SDHA: variants seen among roughly 807,000 people sequenced by gnomAD.
The protein encoded by SDHA is succinate dehydrogenase complex flavoprotein subunit A.
A neutral mutation model predicts 78.4 loss-of-function variants in SDHA; 48 were observed. The observed-to-expected ratio is 0.61, with a 90% CI of 0.49 to 0.78. The LOEUF is 0.78. Among genes scored for constraint, SDHA ranks in the 30% least tolerant of loss-of-function variants. The probability of loss-of-function intolerance (pLI) is 0.00; values close to 1 mark genes in which losing one functional copy is unlikely to be tolerated. For synonymous variants in SDHA, 326 were observed against 353.9 expected, an observed-to-expected ratio of 0.92 and a Z score of 0.88; for missense variants, 680 against 892.7, an observed-to-expected ratio of 0.76 and a Z score of 3.04.
At chr5:235,992 CTTACTTCCCTCTTAGATACGGTCT>C (rs779873879) in intron 9 of SDHA, 1 of 275,518 alleles carries the variant, frequency 3.6e-6, no homozygotes, top group Non-Finnish European at 7.2e-6. Flanking sequence ...AGCTATGGTC[CTTACTTCCCTCTTAGATACGGTCT>C]TTACTTCCCT....
At chr5:242,649 G>A (rs1230555146) in intron 11 of SDHA, among the ~76,000 whole-genome samples, 3 of 152,080 alleles carry the variant, frequency 2.0e-5, no homozygotes, top group African/African-American at 7.2e-5. Context: ...AGCTGGTCTC[G>A]GCAAATGGCG....
chr5:224,293 T>C, intron 2 of SDHA, 67 bp from the exon 3 acceptor site: 1 of 1,528,744 alleles, frequency 6.5e-7, no homozygotes, highest in South Asian at 1.1e-5. Context: ...GCTCTTTCAC[T>C]GTCACAAGAT....
intron 6 of SDHA, among the ~76,000 whole-genome samples, chr5:229,171 A>T (rs1410293784): frequency 1.3e-5 from 2 of 152,232 alleles, no homozygotes; most frequent in African/African-American, 4.8e-5. Flanking sequence ...TGTTGGTGGG[A>T]ATGTAAATTA....
chr5:252,759 A>G (rs796747086), intron 13 of SDHA, among the ~76,000 whole-genome samples: 1,794 of 96,608 alleles, frequency 0.019, 1 homozygote, highest in African/African-American at 0.098. Context: ...ACCGTTTCAT[A>G]CCTGCCCTGT....
chr5:219,535 G>T (rs1387012739), intron 1 of SDHA, among the ~76,000 whole-genome samples: 1 of 151,978 alleles, frequency 6.6e-6, no homozygotes, highest in African/African-American at 2.4e-5. Context: ...TAAAAATCTC[G>T]TTGAGTTAAA....
intron 5 of SDHA, among the ~76,000 whole-genome samples, chr5:226,781 T>C (rs2126552995): frequency 6.6e-6 from 1 of 151,364 alleles, no homozygotes; most frequent in South Asian, 2.1e-4. Context: ...ACAAAAAAAT[T>C]AGCCAGGCAT....
chr5:224,615 G>C, intron 3 of SDHA, 94 bp downstream of exon 3: 1 of 1,346,664 alleles, frequency 7.4e-7, no homozygotes, highest in Non-Finnish European at 1.1e-6. Context: ...TCCTCCCCCT[G>C]CTCCAGCCAC....
rs587782076 is a variant in SDHA, at chr5:225,938, G to A, written c.512G>A (p.Arg171His). ...SRTEDGKIYQ[R>H]AFGGQSLKFG... ...ACTGAAGATGGGAAGATTTATCAGC[G>A]TGCATTTGGTGGACAGAGCCTCAAG... Residue 171 changes from arginine (R) to histidine (H), a missense_variant, in exon 5 of 15, where the codon CGT (arginine) becomes CAT (histidine). Transcript: ENST00000264932. The A allele has an allele frequency of 2.1e-5, 34 of 1,613,756 alleles. No individual in the cohort carries two copies. The highest frequency in any genetic ancestry group is 2.7e-5 in the African/African-American group (2 of 74,920).
rs748383004 is a variant in SDHA at position 235,279 on chromosome 5, C to T, written c.1200C>T (p.Ile400=). ...GCGTGGACGTCACGAAGGAGCCGAT[C>T]CCTGTCCTCCCCACCGTGCATTATA... ...FAGVDVTKEP[I]PVLPTVHYNM... The change falls in exon 9 of 15, where the codon ATC becomes ATT. Residue 400 remains isoleucine (I), a synonymous_variant. Coordinates refer to ENST00000264932, the MANE Select transcript of SDHA (RefSeq NM_004168.4). 6.2e-7 allele frequency: 1 copy of T among 1,614,116 alleles called. No homozygotes were observed. Among genetic ancestry groups the T allele is most frequent in the South Asian group, 1.1e-5 (1 of 91,088 alleles).
intron 14 of SDHA, among the ~76,000 whole-genome samples, chr5:255,487 ATC>A: frequency 6.6e-6 from 1 of 151,806 alleles, no homozygotes; most frequent in South Asian, 2.1e-4. Context: ...ATAGAGTCTC[ATC>A]TCTGTTGCCC....
chr5:261,670 G>A (rs1369494330), downstream of SDHA, among the ~76,000 whole-genome samples: 2 of 82,864 alleles, frequency 2.4e-5, no homozygotes, highest in African/African-American at 8.1e-5. Context: ...TGTGAGCTCC[G>A]CCTCCCGTCA....
At chr5:249,824 T>G (rs1736702554) in intron 11 of SDHA, 1 of 152,226 alleles carries the variant, frequency 6.6e-6, no homozygotes, top group Non-Finnish European at 1.5e-5. Context: ...TAGATACAAT[T>G]GTCATTATTT....
intron 1 of SDHA, among the ~76,000 whole-genome samples, chr5:221,508 T>C (rs1734715636): frequency 6.6e-6 from 1 of 152,220 alleles, no homozygotes; most frequent in East Asian, 1.9e-4. Context: ...ACCCCTTACT[T>C]TGCTAGATTT....
chr5:243,069 A>C (rs1402627427), intron 11 of SDHA, among the ~76,000 whole-genome samples: 2 of 152,186 alleles, frequency 1.3e-5, no homozygotes, highest in African/African-American at 4.8e-5. Flanking sequence ...CTGTCCGAGC[A>C]GCACCTTGAG....
At chr5:234,216 G>T in intron 8 of SDHA, 1 of 162,034 alleles carries the variant, frequency 6.2e-6, no homozygotes, top group Non-Finnish European at 1.4e-5. Flanking sequence ...TCAGGAGATC[G>T]AGACCATCCT....
Position 256,763 on chromosome 5 carries a change from A to T in SDHA, c.*343A>T. On this transcript the variant is annotated 3_prime_UTR_variant, in exon 15 of 15. Coordinates refer to ENST00000264932, the MANE Select transcript of SDHA (RefSeq NM_004168.4). ...ATTTGTTGACCTAAAAATCAAATGT[A>T]ATCTTTGTATTGTGTTACATCAAAA... 1 of 335,588 alleles carries T rather than the reference A, an allele frequency of 3.0e-6. No individual in the cohort carries two copies. The highest frequency in any genetic ancestry group is 4.7e-5 in the East Asian group (1 of 21,160). 20.8% of individuals were successfully genotyped at this position (335,588 alleles called of 1,614,324 possible). A position where few individuals can be genotyped will look rare whatever the true frequency, so the allele number is the denominator to read the frequency against.
At chr5:264,639 C>T in the SDHA span, among the ~76,000 whole-genome samples, 21 of 152,240 alleles carry the variant, frequency 1.4e-4, no homozygotes, top group Non-Finnish European at 2.6e-4. Flanking sequence ...CTGGGGCTGG[C>T]TGGGCTAGGC....
intron 1 of SDHA, among the ~76,000 whole-genome samples, chr5:223,143 C>T (rs1734812035): frequency 6.6e-6 from 1 of 152,206 alleles, no homozygotes; most frequent in African/African-American, 2.4e-5. Context: ...ACGTCTTTCC[C>T]CTTCTCCACT....
At position 256,604 on chromosome 5, in the gene SDHA, A is replaced by C; in HGVS notation, c.*184A>C. ...GAACCCAGTGGCCAGGGAGCGTGGC[A>C]CTTACCTTTGTCCCTTGCTTCATTC... On this transcript the variant is annotated 3_prime_UTR_variant, in exon 15 of 15. Transcript: ENST00000264932. 1 of 644,462 alleles carries C rather than the reference A, an allele frequency of 1.6e-6. No individual in the cohort carries two copies. Among genetic ancestry groups the C allele is most frequent in the Non-Finnish European group, 2.8e-6 (1 of 352,312 alleles). 39.9% of individuals were successfully genotyped at this position (644,462 alleles called of 1,614,324 possible).
Sources: allele counts gnomAD v4.1 joint callset (sites outside exome capture counted in the v4.1 genomes callset), GRCh38; gene constraint gnomAD v4.1.1; transcripts MANE v1.5; gene names NCBI Gene and HGNC (gene_info 2026-07-23, HGNC 2026-07-21).